The following BRINP3 variants were observed in gnomAD, a reference collection of about 807,000 sequenced individuals.
The protein encoded by BRINP3 is BMP/retinoic acid-inducible neural-specific protein 3.
Under a neutral mutation model 71.0 loss-of-function variants are expected in BRINP3, and 19 were observed. The observed-to-expected ratio is 0.27, with a 90% CI of 0.19 to 0.39. The LOEUF is 0.39. Ranked by LOEUF, BRINP3 falls within the 10% of genes least tolerant of loss-of-function variation. BRINP3 has a pLI of 1.00. For synonymous variants in BRINP3, 380 were observed against 337.7 expected (o/e 1.13, Z -1.37); for missense variants, 959 against 940.8 (o/e 1.02, Z -0.25).
intron 2 of BRINP3, among the ~76,000 whole-genome samples, chr1:190,360,744 T>A (rs967327774): frequency 6.6e-6 from 1 of 152,054 alleles, no homozygotes; most frequent in Non-Finnish European, 1.5e-5. Context: ...CCCAGCTGTG[T>A]TTTTCCTGTT....
At chr1:190,136,576 C>T (rs770216042) in intron 7 of BRINP3, among the ~76,000 whole-genome samples, 13 of 152,132 alleles carry the variant, frequency 8.5e-5, no homozygotes, top group Non-Finnish European at 1.3e-4. Flanking sequence ...TAAAACAATG[C>T]TTCAGCTATT....
At chr1:190,398,543 A>G (rs1039273048) in intron 2 of BRINP3, among the ~76,000 whole-genome samples, 1 of 151,938 alleles carries the variant, frequency 6.6e-6, no homozygotes, top group Non-Finnish European at 1.5e-5. Context: ...AGATAGTATA[A>G]TTTCTATCAT....
intron 7 of BRINP3, among the ~76,000 whole-genome samples, chr1:190,149,803 T>C (rs2102417013): frequency 6.6e-6 from 1 of 152,290 alleles, no homozygotes; most frequent in East Asian, 1.9e-4. Flanking sequence ...TGATCTTTTG[T>C]ATTTCCTTTG....
chr1:190,130,905 A>G (rs1319986287), intron 7 of BRINP3, among the ~76,000 whole-genome samples: 2 of 152,002 alleles, frequency 1.3e-5, no homozygotes, highest in African/African-American at 4.8e-5. Flanking sequence ...AAAAGCCACC[A>G]TACATCGGGA....
At chr1:190,106,992 C>G (rs1384419190) in intron 7 of BRINP3, among the ~76,000 whole-genome samples, 5 of 151,882 alleles carry the variant, frequency 3.3e-5, no homozygotes, top group African/African-American at 9.7e-5. Context: ...ACTACTTACT[C>G]TCTTTTTACA....
intron 2 of BRINP3, among the ~76,000 whole-genome samples, chr1:190,365,831 T>TACAC (rs1236487622): frequency 1.4e-5 from 2 of 139,862 alleles, no homozygotes; most frequent in African/African-American, 5.3e-5. Context: ...TATATATATA[T>TACAC]ATATACACAC....
At chr1:190,155,607 A>C (rs1333322) in intron 7 of BRINP3, among the ~76,000 whole-genome samples, 20,405 of 151,878 alleles carry the variant, frequency 0.13, 2,023 homozygotes, top group South Asian at 0.25. Flanking sequence ...ATAATTGCTG[A>C]CATAATTTGG....
chr1:190,137,502 G>A (rs187263488), intron 7 of BRINP3, among the ~76,000 whole-genome samples: 2 of 151,356 alleles, frequency 1.3e-5, no homozygotes, highest in African/African-American at 4.8e-5. Context: ...GGGGAAGGAA[G>A]TACAATACAA....
intron 4 of BRINP3, among the ~76,000 whole-genome samples, chr1:190,260,270 A>T (rs1387235705): frequency 1.3e-5 from 2 of 152,130 alleles, no homozygotes; most frequent in Admixed American, 6.6e-5. Flanking sequence ...ACCTAGTGGA[A>T]ATTTGCAAAG....
intron 2 of BRINP3, among the ~76,000 whole-genome samples, chr1:190,344,322 G>A (rs2103122771): frequency 1.3e-5 from 2 of 151,850 alleles, no homozygotes; most frequent in South Asian, 4.1e-4. Context: ...ATAGAGAGAG[G>A]CTGAGTAAAT....
chr1:190,333,932 C>T (rs1667124893), intron 2 of BRINP3, among the ~76,000 whole-genome samples: 1 of 151,818 alleles, frequency 6.6e-6, no homozygotes, highest in Admixed American at 6.6e-5. Flanking sequence ...ATTCATAGGG[C>T]TCTTAATGAC....
At chr1:190,476,585 A>G (rs1238971353) in intron 1 of BRINP3, among the ~76,000 whole-genome samples, 1 of 152,202 alleles carries the variant, frequency 6.6e-6, no homozygotes, top group African/African-American at 2.4e-5. Context: ...GACCATATTA[A>G]CATGCCTATT....
chr1:190,142,135 T>C (rs1571822900), intron 7 of BRINP3, among the ~76,000 whole-genome samples: 3 of 152,284 alleles, frequency 2.0e-5, no homozygotes, highest in East Asian at 3.9e-4. Flanking sequence ...AATTGATGAA[T>C]TAGACTTTAT....
intron 6 of BRINP3, among the ~76,000 whole-genome samples, chr1:190,190,707 G>GT (rs36112957): frequency 0.027 from 4,068 of 150,402 alleles, 93 homozygotes; most frequent in Middle Eastern, 0.048. Context: ...AAATCAAAGT[G>GT]TTTTTTTTTG....
chr1:190,383,259 A>G (rs1195657841), intron 2 of BRINP3, among the ~76,000 whole-genome samples: 1 of 152,142 alleles, frequency 6.6e-6, no homozygotes, highest in Non-Finnish European at 1.5e-5. Flanking sequence ...AGATAGCAAT[A>G]AAGCCTGATT....
chr1:190,206,102 T>G (rs1188349456), intron 6 of BRINP3, among the ~76,000 whole-genome samples: 1 of 152,050 alleles, frequency 6.6e-6, no homozygotes, highest in African/African-American at 2.4e-5. Flanking sequence ...TAAAAGACAC[T>G]TGCCAGTACA....
intron 1 of BRINP3, among the ~76,000 whole-genome samples, 162 bp from the exon 2 acceptor site, chr1:190,455,102 G>A (rs1675899276): frequency 1.3e-5 from 2 of 152,120 alleles, no homozygotes; most frequent in South Asian, 4.1e-4. Context: ...TTTTAGAGCT[G>A]TATATCTTTT....
chr1:190,152,531 A>ACCCCC (rs71123074), intron 7 of BRINP3, among the ~76,000 whole-genome samples: 76 of 84,658 alleles, frequency 9.0e-4, no homozygotes, highest in Non-Finnish European at 1.2e-3. Context: ...ATCTCCCCCA[A>ACCCCC]CCCCCCCCCC....
chr1:190,194,764 A>C lies in BRINP3; in HGVS notation c.961+31318T>G, dbSNP rs186706927. ...CCTGGAGATACTAATGAAATTTACC[A>C]ATTTAGAATGAGCAGCTTCAGTATG... is the stretch of plus-strand genomic sequence containing the variant. On this transcript the variant is annotated intron_variant, in intron 6 of 7. Coordinates refer to ENST00000367462, the MANE Select transcript of BRINP3 (RefSeq NM_199051.3). Among the ~76,000 whole-genome samples the C allele has an allele frequency of 1.8e-3, 271 of 152,208 alleles. 1 individual carries two copies. The highest frequency in any genetic ancestry group is 6.3e-3 in the African/African-American group (262 of 41,566).
Sources: gnomAD v4.1 joint callset for allele counts (sites outside exome capture counted in the v4.1 genomes callset) on GRCh38, gnomAD v4.1.1 for gene constraint, MANE v1.5 for transcripts, NCBI Gene and HGNC (gene_info 2026-07-23, HGNC 2026-07-21) for gene names.